The following SHROOM4 variants were observed in gnomAD, a reference collection of about 807,000 sequenced individuals.
SHROOM4 encodes protein Shroom4.
A neutral mutation model predicts 80.3 loss-of-function variants in SHROOM4; 17 were observed. That is an observed-to-expected ratio of 0.21 (90% confidence interval 0.14 to 0.32). The LOEUF is 0.32. SHROOM4 is among the 10% of genes least tolerant of loss of function. The pLI, the probability that SHROOM4 is intolerant of heterozygous loss-of-function variation, is 1.00. For synonymous variants in SHROOM4, 400 were observed against 437.5 expected (o/e 0.91, Z 1.07); for missense variants, 993 against 1,140.3 (o/e 0.87, Z 1.86).
chrX:50,717,555 G>A (rs1284740589), intron 1 of SHROOM4, among the ~76,000 whole-genome samples: 1 of 112,266 alleles, frequency 8.9e-6, no homozygotes, highest in Non-Finnish European at 1.9e-5. Context: ...CAGAAGCCAA[G>A]CAACCAAATC....
Position 50,711,602 on chromosome X carries a change from G to A in SHROOM4, c.118-15665C>T, listed in dbSNP as rs1602453233. 4.5e-5 allele frequency among the ~76,000 whole-genome samples: 5 copies of A among 111,916 alleles called. 1 individual carries two copies. Among genetic ancestry groups the A allele is most frequent in the African/African-American group, 3.2e-5 (1 of 30,865 alleles). On this transcript the variant is annotated intron_variant, in intron 1 of 8. Transcript: ENST00000376020. ...ACGTGCTGAAATTTTAGGGGGACCTGCACTGATGTCCTCAATTTACTTGGA... is the reference window on the plus strand; with the variant it reads ...ACGTGCTGAAATTTTAGGGGGACCTACACTGATGTCCTCAATTTACTTGGA...
chrX:50,650,837 C>G (rs1260335270), intron 2 of SHROOM4, among the ~76,000 whole-genome samples: 5 of 112,199 alleles, frequency 4.5e-5, no homozygotes, highest in Non-Finnish European at 7.5e-5. Context: ...CAGCCTAGAG[C>G]CCACCAACCT....
intron 1 of SHROOM4, among the ~76,000 whole-genome samples, chrX:50,696,410 T>G (rs1557263070): frequency 9.1e-6 from 1 of 110,451 alleles, no homozygotes; most frequent in Non-Finnish European, 1.9e-5. Context: ...GTGTGACCCT[T>G]AGGAAGTTAC....
At chrX:50,796,990 G>C (rs781783563) in intron 1 of SHROOM4, among the ~76,000 whole-genome samples, 1 of 101,676 alleles carries the variant, frequency 9.8e-6, no homozygotes, top group African/African-American at 3.6e-5. Flanking sequence ...TAGAGATTCA[G>C]GAGTTATGAG....
intron 1 of SHROOM4, among the ~76,000 whole-genome samples, chrX:50,721,994 A>G (rs1429223794): frequency 3.6e-5 from 4 of 110,360 alleles, no homozygotes; most frequent in Non-Finnish European, 7.6e-5. Context: ...TCCAAGCAGA[A>G]AGGGCCATGA....
In SHROOM4 at chrX:50,618,607, C is replaced by T. The variant is rs782134301; in HGVS notation, c.2957+9007G>A. 8.2e-5 allele frequency among the ~76,000 whole-genome samples: 9 copies of T among 110,295 alleles called. No individual in the cohort carries two copies. The East Asian group carries it at 8.6e-4, about 11-fold the overall frequency. ...TTTGCCATGTTGGCCAGGTTGGTCT[C>T]GAACTCCTGACCTCAAGTGATCTAT... On this transcript the variant is annotated intron_variant, in intron 5 of 8. Coordinates refer to ENST00000376020, the MANE Select transcript of SHROOM4 (RefSeq NM_020717.5).
At chrX:50,784,813 T>A (rs1935706710) in intron 1 of SHROOM4, among the ~76,000 whole-genome samples, 1 of 112,321 alleles carries the variant, frequency 8.9e-6, no homozygotes, top group Non-Finnish European at 1.9e-5. Flanking sequence ...CAAAAGTCAC[T>A]ATTAAGAAAT....
At chrX:50,742,757 T>A (rs1557267321) in intron 1 of SHROOM4, among the ~76,000 whole-genome samples, 1 of 110,864 alleles carries the variant, frequency 9.0e-6, no homozygotes. Context: ...GCTAAGGTAG[T>A]GTTTGCCAGC....
intron 2 of SHROOM4, among the ~76,000 whole-genome samples, chrX:50,657,924 T>C (rs897823996): frequency 1.8e-5 from 2 of 112,359 alleles, no homozygotes; most frequent in Admixed American, 9.4e-5. Flanking sequence ...TAAGGCCCCT[T>C]GGGAGGGGAT....
intron 1 of SHROOM4, among the ~76,000 whole-genome samples, chrX:50,733,514 A>C (rs1934416320): frequency 9.0e-6 from 1 of 111,510 alleles, no homozygotes; most frequent in African/African-American, 3.3e-5. Flanking sequence ...TTGCCCTTCC[A>C]CCATGGAATG....
At position 50,633,402 on chromosome X, in the gene SHROOM4, T is replaced by C. The variant is rs1931155874; in HGVS notation, c.2671A>G (p.Ser891Gly). The C allele has an allele frequency of 4.1e-6, 5 of 1,212,046 alleles. No homozygotes were observed. The highest frequency in any genetic ancestry group is 5.6e-6 in the Non-Finnish European group (5 of 895,483). Residue 891 changes from serine to glycine, a missense_variant, in exon 4 of 9, where the codon AGT becomes GGT. Transcript: ENST00000376020. ...DYHRTCSYSC[S>G]VQGALVHDPC... ...TCATGGACTAGAGCTCCTTGAACACTGCAGGAGTAAGAGCAGGTCCTGTGG... is the reference window on the plus strand; with the variant it reads ...TCATGGACTAGAGCTCCTTGAACACCGCAGGAGTAAGAGCAGGTCCTGTGG...
intron 7 of SHROOM4, among the ~76,000 whole-genome samples, chrX:50,601,488 T>C (rs1929405395): frequency 8.9e-6 from 1 of 112,223 alleles, no homozygotes; most frequent in Admixed American, 9.4e-5. Flanking sequence ...ACGGGTCATA[T>C]CCTGAAAGAA....
In SHROOM4 at chrX:50,635,396, G is replaced by T. The variant is rs781951319; in HGVS notation, c.677C>A (p.Ala226Asp). 1 of 1,205,887 alleles carries T rather than the reference G, an allele frequency of 8.3e-7. No homozygotes were observed. The highest frequency in any genetic ancestry group is 2.2e-5 in the Admixed American group (1 of 45,459). Residue 226 changes from alanine to aspartate, a missense_variant, in exon 4 of 9, where the codon GCC becomes GAC. Ala to Asp is a moderately radical substitution (Grantham distance 126, BLOSUM62 -2). Coordinates refer to ENST00000376020, the MANE Select transcript of SHROOM4 (RefSeq NM_020717.5). ...AGCCACATTAGGCCGGCCACTGGGG[G>T]CCTTAGTTGGCCCTGGGCCTTGCAT... ...CIMQGPGPTK[A>D]PSGRPNVAET... is the part of the protein sequence containing the mutation.
At chrX:50,792,150 A>G (rs1328370497) in intron 1 of SHROOM4, among the ~76,000 whole-genome samples, 1 of 112,008 alleles carries the variant, frequency 8.9e-6, no homozygotes, top group Non-Finnish European at 1.9e-5. Context: ...AAAATAAACA[A>G]GTGGGACAAC....
At chrX:50,638,449 C>A in intron 2 of SHROOM4, 141 bp from the exon 3 acceptor site, 1 of 704,283 alleles carries the variant, frequency 1.4e-6, no homozygotes, top group Non-Finnish European at 2.1e-6. Flanking sequence ...CTTAGTGGCC[C>A]TCCTGAGCTC....
intron 8 of SHROOM4, among the ~76,000 whole-genome samples, chrX:50,597,596 G>C: frequency 9.0e-6 from 1 of 111,236 alleles, no homozygotes; most frequent in East Asian, 2.8e-4. Context: ...ACTACTACTG[G>C]GAGCTAGCAT....
chrX:50,644,969 T>G (rs1213913101), intron 2 of SHROOM4, among the ~76,000 whole-genome samples: 1 of 112,160 alleles, frequency 8.9e-6, no homozygotes, highest in Non-Finnish European at 1.9e-5. Flanking sequence ...GTATGCAAAA[T>G]AATAATGAGC....
At chrX:50,735,741 C>T (rs1382259752) in intron 1 of SHROOM4, among the ~76,000 whole-genome samples, 1 of 111,710 alleles carries the variant, frequency 9.0e-6, no homozygotes, top group Non-Finnish European at 1.9e-5. Flanking sequence ...GGCGCAGTGG[C>T]TCACGCCTGT....
intron 2 of SHROOM4, among the ~76,000 whole-genome samples, chrX:50,670,877 T>C (rs1932791196): frequency 8.9e-6 from 1 of 112,403 alleles, no homozygotes; most frequent in African/African-American, 3.2e-5. Context: ...TGAGCTTTTC[T>C]TCATATGTTT....
Sources: gnomAD v4.1 joint callset for allele counts (sites outside exome capture counted in the v4.1 genomes callset) on GRCh38, gnomAD v4.1.1 for gene constraint, MANE v1.5 for transcripts, NCBI Gene and HGNC (gene_info 2026-07-23, HGNC 2026-07-21) for gene names.